IL1RAPL2: variants seen among roughly 807,000 people sequenced by gnomAD.
IL1RAPL2 encodes interleukin 1 receptor accessory protein like 2, also known as X-linked interleukin-1 receptor accessory protein-like 2.
IL1RAPL2 carries 3 observed loss-of-function variants against 44.1 expected under a neutral mutation model. The observed-to-expected ratio is 0.07, with a 90% confidence interval of 0.03 to 0.18. The LOEUF is 0.18. Ranked by LOEUF, IL1RAPL2 falls within the 10% of genes least tolerant of loss-of-function variation. The pLI is 1.00. For synonymous variants in IL1RAPL2, 181 were observed against 178.8 expected, an observed-to-expected ratio of 1.01 and a Z score of -0.10; for missense variants, 391 against 496.4, an observed-to-expected ratio of 0.79 and a Z score of 2.02.
At chrX:105,383,503 C>T (rs183503558) in intron 5 of IL1RAPL2, among the ~76,000 whole-genome samples, 17 of 112,189 alleles carry the variant, frequency 1.5e-4, no homozygotes, top group African/African-American at 5.5e-4. Flanking sequence ...ATCTTCTATT[C>T]ATCTGTTGAT....
At chrX:104,691,189 T>C (rs763157550) in intron 2 of IL1RAPL2, among the ~76,000 whole-genome samples, 29 of 112,342 alleles carry the variant, frequency 2.6e-4, no homozygotes, top group Non-Finnish European at 4.9e-4. Flanking sequence ...CTGCAATGGT[T>C]ACCATGTGTA....
At chrX:105,354,936 A>G (rs889821269) in intron 5 of IL1RAPL2, among the ~76,000 whole-genome samples, 25 of 111,415 alleles carry the variant, frequency 2.2e-4, no homozygotes, top group African/African-American at 7.8e-4. Flanking sequence ...CCTCTACCCA[A>G]TTGCTCAAGC....
chrX:104,767,452 A>G (rs1280254027), intron 2 of IL1RAPL2, among the ~76,000 whole-genome samples: 1 of 111,879 alleles, frequency 8.9e-6, no homozygotes, highest in Non-Finnish European at 1.9e-5. Context: ...AAATGCTGAC[A>G]CAATCTCATG....
rs186720637 is a variant in IL1RAPL2, at chrX:105,271,963, T to C, written c.697+4422T>C. 4.0e-3 allele frequency among the ~76,000 whole-genome samples: 440 copies of C among 109,705 alleles called. 2 individuals are homozygous for C. The highest frequency in any genetic ancestry group is 0.014 in the African/African-American group (418 of 30,102). On this transcript the variant is annotated intron_variant, in intron 5 of 10. Transcript: ENST00000372582. ...GGCTGAGACAATGGGGTTTTCTAGATATACAATCATGTCGTCTGCAAACAG... is the reference window on the plus strand; with the variant it reads ...GGCTGAGACAATGGGGTTTTCTAGACATACAATCATGTCGTCTGCAAACAG...
At chrX:104,630,288 C>T (rs1442276603) in intron 1 of IL1RAPL2, among the ~76,000 whole-genome samples, 1 of 110,320 alleles carries the variant, frequency 9.1e-6, no homozygotes, top group Non-Finnish European at 1.9e-5. Context: ...GCTGAGATTA[C>T]AGGCGCCCAC....
intron 6 of IL1RAPL2, among the ~76,000 whole-genome samples, chrX:105,503,822 T>C (rs754011182): frequency 3.5e-4 from 39 of 112,025 alleles, no homozygotes; most frequent in Non-Finnish European, 5.5e-4. Context: ...GTGCCTTGAC[T>C]GGTAGATGCA....
intron 9 of IL1RAPL2, among the ~76,000 whole-genome samples, chrX:105,750,071 A>AT (rs753915405): frequency 9.0e-6 from 1 of 111,156 alleles, no homozygotes; most frequent in African/African-American, 3.3e-5. Flanking sequence ...AAAAAGAGAA[A>AT]TTCACAGTTT....
At chrX:105,187,664 T>C (rs2033601210) in intron 2 of IL1RAPL2, among the ~76,000 whole-genome samples, 2 of 111,857 alleles carry the variant, frequency 1.8e-5, no homozygotes, top group Non-Finnish European at 3.8e-5. Context: ...CTTACTTATA[T>C]GTGGGATCTA....
chrX:105,679,156 T>C (rs1427289516), intron 6 of IL1RAPL2, among the ~76,000 whole-genome samples: 1 of 111,083 alleles, frequency 9.0e-6, no homozygotes, highest in African/African-American at 3.3e-5. Flanking sequence ...CAAGCTATGA[T>C]ACTATAATGA....
intron 5 of IL1RAPL2, among the ~76,000 whole-genome samples, chrX:105,386,583 A>G (rs1252926628): frequency 8.9e-6 from 1 of 111,967 alleles, no homozygotes; most frequent in Non-Finnish European, 1.9e-5. Flanking sequence ...TCATGAGGTG[A>G]TCACCTAGAA....
chrX:104,803,528 A>C (rs1376466141), intron 2 of IL1RAPL2, among the ~76,000 whole-genome samples: 1 of 112,193 alleles, frequency 8.9e-6, no homozygotes, highest in African/African-American at 3.2e-5. Context: ...TAAAGTCAAC[A>C]TTTGAGGTGT....
At chrX:105,374,718 G>A (rs193235335) in intron 5 of IL1RAPL2, among the ~76,000 whole-genome samples, 310 of 110,467 alleles carry the variant, frequency 2.8e-3, no homozygotes, top group Non-Finnish European at 4.9e-3. Context: ...GGAGGCCAAG[G>A]CGGGTGGATC....
chrX:104,898,319 G>A (rs1446682445), intron 2 of IL1RAPL2, among the ~76,000 whole-genome samples: 1 of 111,785 alleles, frequency 8.9e-6, no homozygotes, highest in Admixed American at 9.5e-5. Context: ...CACTGGTGTT[G>A]ATTTTATGCT....
intron 2 of IL1RAPL2, among the ~76,000 whole-genome samples, chrX:104,952,230 C>A (rs1487038058): frequency 8.9e-6 from 1 of 111,811 alleles, no homozygotes; most frequent in Non-Finnish European, 1.9e-5. Flanking sequence ...GTGAGATCAA[C>A]ATTTTTTAAA....
rs187493844 is a variant in IL1RAPL2 at position 105,468,370 on chromosome X, A to C, written c.698-15943A>C. Among the ~76,000 whole-genome samples, 11 of 111,683 alleles carry C rather than the reference A, an allele frequency of 9.8e-5. No homozygotes were observed. In the East Asian group the frequency reaches 3.2e-3, roughly 32 times the overall value. ...AGGCTGGCAAATGTGTAGTATAGGT[A>C]TGTGCTCAGAAAGAAAGGAGACAAG... On this transcript the variant is annotated intron_variant, in intron 5 of 10. Transcript: ENST00000372582.
chrX:105,696,552 A>G (rs766791290), intron 6 of IL1RAPL2, among the ~76,000 whole-genome samples: 44 of 111,808 alleles, frequency 3.9e-4, no homozygotes, highest in African/African-American at 1.4e-3. Context: ...CCCCCCCACA[A>G]AAGTAATAAA....
chrX:105,513,708 A>G (rs747520908), intron 6 of IL1RAPL2, among the ~76,000 whole-genome samples: 1 of 110,998 alleles, frequency 9.0e-6, no homozygotes, highest in Non-Finnish European at 1.9e-5. Context: ...ATTTTATCTC[A>G]TTCTATGGGC....
intron 6 of IL1RAPL2, among the ~76,000 whole-genome samples, chrX:105,543,718 C>T (rs1414891592): frequency 8.9e-6 from 1 of 111,951 alleles, no homozygotes; most frequent in Non-Finnish European, 1.9e-5. Context: ...CTTGTGGTAC[C>T]TTAATCAAAA....
chrX:105,168,456 C>T (rs1406761796), intron 2 of IL1RAPL2, among the ~76,000 whole-genome samples: 4 of 89,805 alleles, frequency 4.5e-5, no homozygotes, highest in East Asian at 3.3e-4. Flanking sequence ...TGTGTGTGCA[C>T]GTGCATGTAA....
Sources: allele counts gnomAD v4.1 joint callset (sites outside exome capture counted in the v4.1 genomes callset), GRCh38; gene constraint gnomAD v4.1.1; transcripts MANE v1.5; gene names NCBI Gene and HGNC (gene_info 2026-07-23, HGNC 2026-07-21).